Variants in NKAIN3 observed in about 807,000 individuals in gnomAD.
NKAIN3 encodes sodium/potassium-transporting ATPase subunit beta-1-interacting protein 3.
Under a neutral mutation model 30.2 loss-of-function variants are expected in NKAIN3, and 25 were observed. That is an observed-to-expected ratio of 0.83 (90% CI 0.60 to 1.16). The LOEUF (loss-of-function observed/expected upper bound fraction) is 1.16. Ranked by LOEUF, NKAIN3 falls within the 50% of genes most tolerant of loss-of-function variation. The pLI is 0.00. For synonymous variants in NKAIN3, 91 were observed against 89.6 expected, an observed-to-expected ratio of 1.02 and a Z score of -0.09; for missense variants, 225 against 254.1, an observed-to-expected ratio of 0.89 and a Z score of 0.78.
Position 62,366,666 on chromosome 8 carries a change from C to A in NKAIN3, c.54+117539C>A, listed in dbSNP as rs145010161. On this transcript the variant is annotated intron_variant, in intron 1 of 6. Coordinates refer to ENST00000623646, the MANE Select transcript of NKAIN3 (RefSeq NM_001304533.3). ...CAAAAAACAACTCCAGTTCATTGAT[C>A]TTTTCTATTGTTTCTCTAGTTTCTC... Among the ~76,000 whole-genome samples the A allele has an allele frequency of 9.9e-4, 151 of 152,230 alleles. 1 individual carries two copies. The highest frequency in any genetic ancestry group is 1.9e-3 in the South Asian group (9 of 4,828).
intron 4 of NKAIN3, among the ~76,000 whole-genome samples, chr8:62,845,994 T>C (rs1286846268): frequency 6.6e-6 from 1 of 152,188 alleles, no homozygotes; most frequent in African/African-American, 2.4e-5. Flanking sequence ...TTTTAGAAGA[T>C]ATAGAGTGAA....
At chr8:62,635,076 G>A (rs986547782) in intron 3 of NKAIN3, among the ~76,000 whole-genome samples, 1 of 152,106 alleles carries the variant, frequency 6.6e-6, no homozygotes, top group Admixed American at 6.6e-5. Context: ...GTGGGCATGA[G>A]GGAGGAAACA....
At chr8:62,830,705 CA>C (rs1299626819) in intron 4 of NKAIN3, among the ~76,000 whole-genome samples, 14 of 152,194 alleles carry the variant, frequency 9.2e-5, no homozygotes, top group African/African-American at 3.4e-4. Context: ...CCTTCCTGTG[CA>C]GAGACTGTGG....
intron 6 of NKAIN3, among the ~76,000 whole-genome samples, chr8:62,960,056 G>A (rs1439133851): frequency 2.0e-5 from 3 of 152,214 alleles, no homozygotes; most frequent in Non-Finnish European, 4.4e-5. Flanking sequence ...ATGGACTACT[G>A]TAAGAACACA....
intron 4 of NKAIN3, among the ~76,000 whole-genome samples, chr8:62,870,697 A>ATATCTC (rs1227293096): frequency 1.1e-4 from 12 of 107,836 alleles, no homozygotes; most frequent in East Asian, 2.3e-4. Context: ...CTCTCTATCT[A>ATATCTC]TATATCTATA....
At chr8:62,863,073 T>C in intron 4 of NKAIN3, 1 of 1,041,108 alleles carries the variant, frequency 9.6e-7, no homozygotes, top group Non-Finnish European at 1.5e-6. Flanking sequence ...CTCTGTATCA[T>C]ATATCTCTCA....
chr8:62,786,614 T>C (rs577754025), intron 4 of NKAIN3, among the ~76,000 whole-genome samples: 1 of 152,184 alleles, frequency 6.6e-6, no homozygotes, highest in Non-Finnish European at 1.5e-5. Flanking sequence ...GTCTTGTAAT[T>C]GCATTCTGTC....
intron 1 of NKAIN3, among the ~76,000 whole-genome samples, chr8:62,528,301 T>A (rs1011976763): frequency 4.0e-5 from 4 of 99,948 alleles, no homozygotes; most frequent in African/African-American, 9.6e-5. Flanking sequence ...ATATATATAT[T>A]ATATTATATA....
intron 4 of NKAIN3, among the ~76,000 whole-genome samples, chr8:62,806,040 A>T (rs1423681926): frequency 3.3e-5 from 5 of 152,214 alleles, no homozygotes; most frequent in Admixed American, 1.3e-4. Flanking sequence ...CAGCCAAAAA[A>T]ACACATGAAA....
chr8:62,835,792 C>T (rs1471074569), intron 4 of NKAIN3, among the ~76,000 whole-genome samples: 1 of 151,570 alleles, frequency 6.6e-6, no homozygotes, highest in Non-Finnish European at 1.5e-5. Flanking sequence ...AAATTTCTCA[C>T]AGAACTTAGA....
chr8:62,816,689 A>G (rs750869197), intron 4 of NKAIN3, among the ~76,000 whole-genome samples: 63 of 152,226 alleles, frequency 4.1e-4, no homozygotes, highest in Admixed American at 1.4e-3. Context: ...TTCAGCTGGT[A>G]TCAAGACACT....
intron 4 of NKAIN3, among the ~76,000 whole-genome samples, chr8:62,859,508 T>TAATAAAAAAAAAAAAAAAAAAAAAAA (rs1820173262): frequency 1.7e-5 from 1 of 60,442 alleles, no homozygotes; most frequent in Admixed American, 2.1e-4. Flanking sequence ...TTACTTCAAC[T>TAATAAAAAAAAAAAAAAAAAAAAAAA]AAAAAAAAAA....
chr8:62,318,927 C>T (rs1038218631), intron 1 of NKAIN3, among the ~76,000 whole-genome samples: 1 of 152,216 alleles, frequency 6.6e-6, no homozygotes, highest in African/African-American at 2.4e-5. Context: ...CCTCCTTGTA[C>T]CTCTGGTAGA....
chr8:62,618,132 G>C (rs1308434840), intron 3 of NKAIN3, among the ~76,000 whole-genome samples: 1 of 152,144 alleles, frequency 6.6e-6, no homozygotes, highest in Non-Finnish European at 1.5e-5. Context: ...ATCTGCCAAG[G>C]GACCTTGCAG....
chr8:62,886,693 A>T (rs1361988212), intron 4 of NKAIN3, among the ~76,000 whole-genome samples: 1 of 152,160 alleles, frequency 6.6e-6, no homozygotes, highest in Non-Finnish European at 1.5e-5. Flanking sequence ...TCTGGGATAC[A>T]TGTGCAGAAC....
At chr8:62,755,028 C>T (rs1816407231) in intron 4 of NKAIN3, among the ~76,000 whole-genome samples, 2 of 152,138 alleles carry the variant, frequency 1.3e-5, no homozygotes, top group Non-Finnish European at 2.9e-5. Flanking sequence ...TTAACATTTG[C>T]ATTTATTTAA....
At chr8:62,366,353 A>T (rs1816740874) in intron 1 of NKAIN3, among the ~76,000 whole-genome samples, 2 of 151,730 alleles carry the variant, frequency 1.3e-5, no homozygotes, top group South Asian at 4.2e-4. Context: ...CAGCATCCCG[A>T]GTAGCTGGGA....
At chr8:62,277,563 T>A (rs183837672) in intron 1 of NKAIN3, among the ~76,000 whole-genome samples, 7 of 152,246 alleles carry the variant, frequency 4.6e-5, no homozygotes, top group Admixed American at 4.6e-4. Flanking sequence ...GTATGAAAAT[T>A]TATCATCTTC....
intron 1 of NKAIN3, among the ~76,000 whole-genome samples, chr8:62,375,916 T>A (rs2129593629): frequency 6.6e-6 from 1 of 152,346 alleles, no homozygotes; most frequent in South Asian, 2.1e-4. Context: ...ACCTTTATAT[T>A]ATACTTGCTC....
Sources: gnomAD v4.1 joint callset for allele counts (sites outside exome capture counted in the v4.1 genomes callset) on GRCh38, gnomAD v4.1.1 for gene constraint, MANE v1.5 for transcripts, NCBI Gene and HGNC (gene_info 2026-07-23, HGNC 2026-07-21) for gene names.